TTC28: variants seen among roughly 807,000 people sequenced by gnomAD.
TTC28 encodes the protein tetratricopeptide repeat domain 28.
A neutral mutation model predicts 198.0 loss-of-function variants in TTC28; 61 were observed. The observed-to-expected ratio is 0.31, with a 90% CI of 0.25 to 0.38. The LOEUF (loss-of-function observed/expected upper bound fraction) is 0.38, where lower values mean the gene tolerates loss of function less well. Among genes scored for constraint, TTC28 ranks in the 10% least tolerant of loss-of-function variants. The pLI is 1.00. For missense variants in TTC28, 2,678 were observed against 3,164.0 expected, an observed-to-expected ratio of 0.85 and a Z score of 3.69; for synonymous variants, 1,171 against 1,297.8, an observed-to-expected ratio of 0.90 and a Z score of 2.10.
chr22:28,514,822 G>A (rs928421870), intron 2 of TTC28, among the ~76,000 whole-genome samples: 22 of 152,138 alleles, frequency 1.4e-4, no homozygotes, highest in African/African-American at 5.3e-4. Context: ...GTCTCTGTGG[G>A]GCTAAAAGAG....
chr22:27,989,305 C>T (rs544538567), intron 21 of TTC28, among the ~76,000 whole-genome samples: 182 of 152,302 alleles, frequency 1.2e-3, no homozygotes, highest in Non-Finnish European at 1.8e-3. Context: ...TTTGAGTACC[C>T]GTTGACAGAG....
chr22:28,308,895 T>C (rs2045198615), intron 2 of TTC28, among the ~76,000 whole-genome samples: 1 of 152,180 alleles, frequency 6.6e-6, no homozygotes, highest in Admixed American at 6.5e-5. Flanking sequence ...TGTATCCCTG[T>C]AAAGATAGCA....
At chr22:28,062,650 T>G (rs1028544847) in intron 12 of TTC28, among the ~76,000 whole-genome samples, 10 of 152,186 alleles carry the variant, frequency 6.6e-5, no homozygotes, top group Admixed American at 3.3e-4. Context: ...TGATACTTTC[T>G]ATTGATCTAT....
At chr22:28,067,251 T>C (rs971068704) in intron 12 of TTC28, among the ~76,000 whole-genome samples, 6 of 152,170 alleles carry the variant, frequency 3.9e-5, no homozygotes, top group African/African-American at 1.4e-4. Context: ...TTGTTTATTC[T>C]TTTTCTCTCC....
intron 13 of TTC28, 113 bp downstream of exon 13, chr22:28,030,113 A>G: frequency 7.0e-7 from 1 of 1,425,568 alleles, no homozygotes; most frequent in Non-Finnish European, 9.3e-7. Context: ...CTGCAAATGC[A>G]TGACACGAGC....
intron 2 of TTC28, among the ~76,000 whole-genome samples, chr22:28,533,188 C>T (rs765031650): frequency 5.3e-5 from 8 of 152,116 alleles, no homozygotes; most frequent in South Asian, 2.1e-4. Flanking sequence ...CTCCTTAAGC[C>T]GATAAGCAGC....
At chr22:28,478,626 G>A (rs958318911) in intron 2 of TTC28, among the ~76,000 whole-genome samples, 34 of 152,014 alleles carry the variant, frequency 2.2e-4, no homozygotes, top group African/African-American at 7.0e-4. Flanking sequence ...GGTGGGATGG[G>A]GTGGGAAGGT....
intron 2 of TTC28, among the ~76,000 whole-genome samples, chr22:28,585,496 C>T (rs528656870): frequency 8.5e-5 from 13 of 152,160 alleles, no homozygotes; most frequent in Admixed American, 4.6e-4. Context: ...GTAATGCAAG[C>T]GATAGAGAGC....
At chr22:28,126,042 C>T (rs1942906152) in intron 6 of TTC28, among the ~76,000 whole-genome samples, 1 of 152,052 alleles carries the variant, frequency 6.6e-6, no homozygotes, top group Non-Finnish European at 1.5e-5. Context: ...ACACTGTACC[C>T]CTGAGGCAAA....
At chr22:28,105,950 T>C (rs1446244512) in intron 7 of TTC28, 148 bp from the exon 8 acceptor site, 2 of 1,051,390 alleles carry the variant, frequency 1.9e-6, no homozygotes, top group Admixed American at 5.8e-5. Flanking sequence ...TCATGTGCCC[T>C]TAGAGTGAGA....
chr22:28,231,384 T>A (rs1928792250), intron 5 of TTC28, among the ~76,000 whole-genome samples: 1 of 152,258 alleles, frequency 6.6e-6, no homozygotes, highest in Non-Finnish European at 1.5e-5. Flanking sequence ...TGTTTTGTTT[T>A]GTTTTTGTTT....
At chr22:28,306,854 C>T (rs947983550) in intron 2 of TTC28, among the ~76,000 whole-genome samples, 1 of 152,182 alleles carries the variant, frequency 6.6e-6, no homozygotes, top group African/African-American at 2.4e-5. Flanking sequence ...CATCTTTTCA[C>T]TTCTAAGACA....
chr22:28,225,640 A>G (rs1449320939), intron 5 of TTC28, among the ~76,000 whole-genome samples: 1 of 152,238 alleles, frequency 6.6e-6, no homozygotes, highest in Non-Finnish European at 1.5e-5. Flanking sequence ...TTGACAAAAA[A>G]TAAATAACAT....
At chr22:28,399,373 G>C (rs1289795115) in intron 2 of TTC28, among the ~76,000 whole-genome samples, 1 of 145,208 alleles carries the variant, frequency 6.9e-6, no homozygotes, top group African/African-American at 2.5e-5. Flanking sequence ...CTGGAGTGCA[G>C]TGGCACAGTC....
At chr22:28,239,259 A>G (rs1025793063) in intron 5 of TTC28, among the ~76,000 whole-genome samples, 3 of 152,110 alleles carry the variant, frequency 2.0e-5, no homozygotes, top group African/African-American at 4.8e-5. Flanking sequence ...ATATTCTACA[A>G]TCTTCTTTGT....
At chr22:27,986,391 T>A (rs1222379215) in intron 21 of TTC28, 2 of 152,224 alleles carry the variant, frequency 1.3e-5, no homozygotes, top group African/African-American at 4.8e-5. Flanking sequence ...CTTTATAAAT[T>A]ACCCAGTCTC....
intron 11 of TTC28, among the ~76,000 whole-genome samples, chr22:28,095,553 C>T (rs758840400): frequency 3.9e-5 from 6 of 152,152 alleles, no homozygotes; most frequent in South Asian, 2.1e-4. Context: ...GTGTCTCCAA[C>T]TTGGTAAAGC....
chr22:28,620,693 A>G (rs948535932), intron 2 of TTC28, among the ~76,000 whole-genome samples: 8 of 152,248 alleles, frequency 5.3e-5, no homozygotes, highest in African/African-American at 1.9e-4. Flanking sequence ...AGCAAAGGTC[A>G]TGGCAACAGT....
intron 2 of TTC28, among the ~76,000 whole-genome samples, chr22:28,529,347 C>T (rs754497851): frequency 1.6e-4 from 25 of 152,290 alleles, no homozygotes; most frequent in Non-Finnish European, 3.4e-4. Context: ...AAGGCAGCAG[C>T]GAGGCTGGGG....
Sources: allele counts gnomAD v4.1 joint callset (sites outside exome capture counted in the v4.1 genomes callset), GRCh38; gene constraint gnomAD v4.1.1; transcripts MANE v1.5; gene names NCBI Gene and HGNC (gene_info 2026-07-23, HGNC 2026-07-21).